Variants in SUPT20H observed in about 807,000 individuals in gnomAD.
SUPT20H encodes the protein transcription factor SPT20 homolog.
Under a neutral mutation model 122.8 loss-of-function variants are expected in SUPT20H, and 82 were observed. The observed-to-expected ratio is 0.67, with a 90% CI of 0.56 to 0.80. The LOEUF is 0.80. SUPT20H is among the 30% of genes least tolerant of loss of function. The probability of loss-of-function intolerance (pLI) is 0.00; values close to 1 mark genes in which losing one functional copy is unlikely to be tolerated. For missense variants in SUPT20H, 831 were observed against 921.6 expected (o/e 0.90, Z 1.27); for synonymous variants, 291 against 313.0 (o/e 0.93, Z 0.74).
chr13:37,051,349 T>C, intron 2 of SUPT20H, 139 bp downstream of exon 2: 1 of 750,992 alleles, frequency 1.3e-6, no homozygotes, highest in East Asian at 2.7e-5. Context: ...TGCAATGGGA[T>C]TGCTAAGTAA....
chr13:37,033,580 T>TG lies in SUPT20H; in HGVS notation c.575_576insC (p.Lys192AsnfsTer5), dbSNP rs1216257687. ...GGATGAGCTGGCTCTCAAGCAAAAG[T>TG]TTGTCTTCCTGAAATGTGTAAGAGC... On this transcript the variant is annotated frameshift_variant, in exon 10 of 26. Coordinates refer to ENST00000350612, the MANE Select transcript of SUPT20H (RefSeq NM_001014286.3). LOFTEE classifies it high-confidence loss of function. 6.2e-7 allele frequency: 1 copy of TG among 1,612,918 alleles called. No individual in the cohort carries two copies. Among genetic ancestry groups the TG allele is most frequent in the Admixed American group, 1.7e-5 (1 of 59,796 alleles).
At position 37,024,348 on chromosome 13, in the gene SUPT20H, C is replaced by A. The variant is rs751210676; in HGVS notation, c.1424G>T (p.Ser475Ile). 2 of 1,582,210 alleles carry A rather than the reference C, an allele frequency of 1.3e-6. No homozygotes were observed. The highest frequency in any genetic ancestry group is 2.4e-5 in the South Asian group (2 of 84,466). Residue 475 changes from serine to isoleucine, a missense_variant, in exon 18 of 26, where the codon AGT (serine) becomes ATT (isoleucine). Coordinates refer to ENST00000350612, the MANE Select transcript of SUPT20H (RefSeq NM_001014286.3). ...ACTAAGAAATGTAATACCTGAGGAA[C>A]TATTTCCTGAGCTTGAGGGAAGTTT... is the stretch of plus-strand genomic sequence containing the variant. ...PIKLPSSSGN[S>I]SSGNYFTPQQ...
intron 9 of SUPT20H, among the ~76,000 whole-genome samples, chr13:37,035,419 G>T (rs1042580404): frequency 3.3e-5 from 5 of 151,966 alleles, no homozygotes; most frequent in Non-Finnish European, 7.4e-5. Flanking sequence ...GATAGCAAGA[G>T]AACTACAATT....
chr13:37,021,529 T>C lies in SUPT20H; in HGVS notation c.1735A>G (p.Ile579Val), dbSNP rs2139488760. The part of the protein sequence containing the change: ...CNTGAITPAG[I>V]NLSGLLPSGG... ...GAGGGTAGAAGGCCGCTCAGGTTTA[T>C]TCCTGCAGGAGTTATGGCACCAGTG... is the stretch of plus-strand genomic sequence containing the variant. The change falls in exon 21 of 26, where the codon ATA (isoleucine) becomes GTA (valine). Residue 579 changes from isoleucine (I) to valine (V), a missense_variant. Ile to Val is a conservative substitution (Grantham distance 29). Coordinates refer to ENST00000350612, the MANE Select transcript of SUPT20H (RefSeq NM_001014286.3). 6.2e-7 allele frequency: 1 copy of C among 1,613,884 alleles called. No individual in the cohort carries two copies. The highest frequency in any genetic ancestry group is 8.5e-7 in the Non-Finnish European group (1 of 1,179,966).
At chr13:37,037,278 A>G (rs74731193) in intron 9 of SUPT20H, among the ~76,000 whole-genome samples, 4,933 of 152,168 alleles carry the variant, frequency 0.032, 250 homozygotes, top group African/African-American at 0.11. Flanking sequence ...CAGAAGTTAT[A>G]CATGGGTTTT....
At chr13:37,029,227 T>G (rs933452346) in intron 13 of SUPT20H, among the ~76,000 whole-genome samples, 11 of 152,160 alleles carry the variant, frequency 7.2e-5, no homozygotes, top group African/African-American at 2.4e-4. Context: ...ATGAAGTTCT[T>G]CATTAAAATT....
In SUPT20H at chr13:37,022,990, C is replaced by T; in HGVS notation, c.1592-910G>A. 1 of 1,261,662 alleles carries T rather than the reference C, an allele frequency of 7.9e-7. No individual in the cohort carries two copies. The highest frequency in any genetic ancestry group is 1.0e-6 in the Non-Finnish European group (1 of 978,376). 78.2% of individuals were successfully genotyped at this position (1,261,662 alleles called of 1,614,324 possible). On this transcript the variant is annotated intron_variant, in intron 19 of 25. Transcript: ENST00000350612. The surrounding 1 kb of genome is among the most constrained non-coding windows in gnomAD (Gnocchi z 4.5). ...AAAAAACAAAAACAAAAAACAAAAACCAAAAAAGTAAAACCAAAAGCTCTT... is the reference window on the plus strand; with the variant it reads ...AAAAAACAAAAACAAAAAACAAAAATCAAAAAAGTAAAACCAAAAGCTCTT...
At position 37,051,512 on chromosome 13, in the gene SUPT20H, A is replaced by C. The variant is rs113619503; in HGVS notation, c.-22T>G. The C allele has an allele frequency of 9.9e-6, 16 of 1,611,598 alleles. No homozygotes were observed. Among genetic ancestry groups the C allele is most frequent in the African/African-American group, 8.0e-5 (6 of 74,988 alleles). ...CCATTATGGCATAAAATAAGGGTCC[A>C]AAAGAAGAGATAACTTATGTACGCT... On this transcript the variant is annotated 5_prime_UTR_variant, in exon 2 of 26. Transcript: ENST00000350612.
At position 37,026,770 on chromosome 13, in the gene SUPT20H, A is replaced by G. The variant is rs1182422980; in HGVS notation, c.1178+20T>C. 6 of 1,327,442 alleles carry G rather than the reference A, an allele frequency of 4.5e-6. No individual in the cohort carries two copies. Among genetic ancestry groups the G allele is most frequent in the Non-Finnish European group, 4.1e-6 (4 of 985,046 alleles). 82.2% of individuals were successfully genotyped at this position (1,327,442 alleles called of 1,614,324 possible). On this transcript the variant is annotated intron_variant, in intron 15 of 25. Transcript: ENST00000350612. ...TTATGTAATTTCTTAACAGATTAAA[A>G]TAGTTTATTTTTTAATTACCAATTT...
chr13:37,014,204 T>A (rs2060059164), intron 23 of SUPT20H, among the ~76,000 whole-genome samples: 1 of 152,092 alleles, frequency 6.6e-6, no homozygotes, highest in Non-Finnish European at 1.5e-5. Flanking sequence ...AGGGGTAAAT[T>A]AATCAAGGAA....
chr13:37,056,916 G>A (rs901602318), intron 1 of SUPT20H: 4 of 152,192 alleles, frequency 2.6e-5, no homozygotes, highest in African/African-American at 9.7e-5. Context: ...GTGAGGCACA[G>A]TCCCCATTTT....
chr13:37,038,031 GCT>G (rs969754552), intron 9 of SUPT20H: 6 of 148,554 alleles, frequency 4.0e-5, no homozygotes, highest in African/African-American at 1.5e-4. Context: ...TTTAATATGG[GCT>G]CTTTTTTTTT....
intron 14 of SUPT20H, 36 bp from the exon 15 acceptor site, chr13:37,026,852 G>T: frequency 7.3e-7 from 1 of 1,372,170 alleles, no homozygotes; most frequent in Non-Finnish European, 9.6e-7. Flanking sequence ...CTTAGTTAAT[G>T]CAGCTCAAAC....
chr13:37,047,485 C>T, intron 5 of SUPT20H, 50 bp downstream of exon 5: 1 of 1,381,044 alleles, frequency 7.2e-7, no homozygotes, highest in Non-Finnish European at 9.5e-7. Flanking sequence ...CCTCCAAATT[C>T]CTCTCTTCTA....
chr13:37,046,636 A>G (rs1189585956), intron 5 of SUPT20H, among the ~76,000 whole-genome samples: 1 of 152,116 alleles, frequency 6.6e-6, no homozygotes, highest in Non-Finnish European at 1.5e-5. Flanking sequence ...TAGAATCTTC[A>G]TATATGTAGC....
chr13:37,024,444 T>C lies in SUPT20H; in HGVS notation c.1330-2A>G. Reference sequence around the variant, plus strand: ...CTGAACTGACACGGTTTCAGTTTGCTAAAAGACAATGACATTAAGCTTACT... The same window carrying C: ...CTGAACTGACACGGTTTCAGTTTGCCAAAAGACAATGACATTAAGCTTACT... On this transcript the variant is annotated splice_acceptor_variant, in intron 17 of 25. Transcript: ENST00000350612. LOFTEE classifies it high-confidence loss of function. 1.3e-6 allele frequency: 2 copies of C among 1,543,638 alleles called. No individual in the cohort carries two copies. Among genetic ancestry groups the C allele is most frequent in the Non-Finnish European group, 1.7e-6 (2 of 1,148,702 alleles).
At chr13:37,028,395 CAT>C (rs1378141346) in intron 13 of SUPT20H, 90 bp from the exon 14 acceptor site, 1 of 1,188,898 alleles carries the variant, frequency 8.4e-7, no homozygotes, top group Non-Finnish European at 1.2e-6. Context: ...GATACAGTAA[CAT>C]GTATCTGACG....
intron 22 of SUPT20H, 144 bp from the exon 23 acceptor site, chr13:37,017,508 G>C (rs1472045162): frequency 2.2e-6 from 2 of 892,462 alleles, no homozygotes; most frequent in Non-Finnish European, 3.2e-6. Context: ...AAACAAGTTG[G>C]CTGCCCTTAA....
chr13:37,050,451 T>C (rs1003435113), intron 2 of SUPT20H, among the ~76,000 whole-genome samples: 2 of 151,844 alleles, frequency 1.3e-5, no homozygotes, highest in African/African-American at 4.8e-5. Flanking sequence ...CCTGATCCCA[T>C]GTTCCACCAT....
Sources: gnomAD v4.1 joint callset for allele counts (sites outside exome capture counted in the v4.1 genomes callset) on GRCh38, gnomAD v4.1.1 for gene constraint, Gnocchi (gnomAD v3.1) non-coding constraint, MANE v1.5 for transcripts, NCBI Gene and HGNC (gene_info 2026-07-23, HGNC 2026-07-21) for gene names.